The following USP8 variants were observed in gnomAD, a reference collection of about 807,000 sequenced individuals.
USP8 encodes the protein ubiquitin carboxyl-terminal hydrolase 8.
USP8 carries 27 observed loss-of-function variants against 130.0 expected under a neutral mutation model. That is an observed-to-expected ratio of 0.21 (90% CI 0.15 to 0.29). USP8 has a LOEUF of 0.29. USP8 is among the 10% of genes least tolerant of loss of function. The pLI, the probability that USP8 is intolerant of heterozygous loss-of-function variation, is 1.00. For missense variants in USP8, 1,029 were observed against 1,312.2 expected (o/e 0.78, Z 3.33); for synonymous variants, 392 against 444.1 (o/e 0.88, Z 1.48).
At chr15:50,495,762 G>GTTTGTATT in intron 16 of USP8, 86 bp from the exon 17 acceptor site, 1 of 1,073,306 alleles carries the variant, frequency 9.3e-7, no homozygotes, top group Admixed American at 2.6e-5. Context: ...TCTAAATCTG[G>GTTTGTATT]CAAGTGTTTG....
chr15:50,427,594 G>A (rs1231342145), intron 1 of USP8, among the ~76,000 whole-genome samples: 1 of 118,532 alleles, frequency 8.4e-6, no homozygotes, highest in Non-Finnish European at 1.6e-5. Context: ...ACGGAGTCTT[G>A]CTCTGTCTTC....
At chr15:50,455,826 A>G (rs567669564) in intron 4 of USP8, among the ~76,000 whole-genome samples, 21 of 152,322 alleles carry the variant, frequency 1.4e-4, no homozygotes, top group African/African-American at 4.8e-4. Flanking sequence ...GGTGTGCTTA[A>G]TTCAGGTGTC....
rs1274851138 is a variant in USP8, at chr15:50,503,532, T to C, written c.*4444T>C. On this transcript the variant is annotated 3_prime_UTR_variant, in exon 20 of 20. Transcript: ENST00000307179. ...TACAAAGCCAGGACCTTTAAAGACA[T>C]TCACCCTCAATGGAAGGATTAAAAA... The C allele has an allele frequency of 2.0e-5, 3 of 152,174 alleles. No homozygotes were observed. The highest frequency in any genetic ancestry group is 1.3e-4 in the Admixed American group (2 of 15,278). 9.4% of individuals were successfully genotyped at this position (152,174 alleles called of 1,614,324 possible). A position where few individuals can be genotyped will look rare whatever the true frequency, so the allele number is the denominator to read the frequency against.
intron 4 of USP8, 151 bp from the exon 5 acceptor site, chr15:50,458,849 C>T (rs1364271431): frequency 3.7e-6 from 3 of 803,872 alleles, no homozygotes; most frequent in Admixed American, 2.9e-5. Flanking sequence ...CAGATGGCCT[C>T]AGGTGGCAGA....
intron 1 of USP8, among the ~76,000 whole-genome samples, chr15:50,434,108 T>TGTTTC (rs943827897): frequency 6.6e-6 from 1 of 151,456 alleles, no homozygotes. Flanking sequence ...TAAGGTTTTT[T>TGTTTC]GTTTTGTTTT....
At chr15:50,440,058 T>A (rs2050205901) in intron 2 of USP8, among the ~76,000 whole-genome samples, 1 of 151,978 alleles carries the variant, frequency 6.6e-6, no homozygotes, top group African/African-American at 2.4e-5. Flanking sequence ...CCAGCCTGGG[T>A]GACAGAGTGA....
chr15:50,488,328 T>A (rs1375936904), intron 12 of USP8, among the ~76,000 whole-genome samples: 1 of 152,182 alleles, frequency 6.6e-6, no homozygotes, highest in Non-Finnish European at 1.5e-5. Context: ...TATTTAGTTG[T>A]GCCATTTGCC....
chr15:50,504,036 T>C lies in USP8; in HGVS notation c.*4948T>C, dbSNP rs1270469998. On this transcript the variant is annotated 3_prime_UTR_variant, in exon 20 of 20. Transcript: ENST00000307179. ...GAAATACAACATAGTTGGCCGTCCA[T>C]ATTTACGGGCTCTGCATCTTCAGAA... 2.0e-5 allele frequency: 3 copies of C among 152,324 alleles called. No individual in the cohort carries two copies. Among genetic ancestry groups the C allele is most frequent in the Admixed American group, 2.0e-4 (3 of 15,286 alleles). 9.4% of individuals were successfully genotyped at this position (152,324 alleles called of 1,614,324 possible). A position where few individuals can be genotyped will look rare whatever the true frequency, so the allele number is the denominator to read the frequency against.
In USP8 at chr15:50,509,949, A is replaced by G. The variant is rs1411572494; in HGVS notation, c.*10861A>G. 6.6e-6 allele frequency: 1 copy of G among 152,138 alleles called. No homozygotes were observed. The allele number at this position is 152,138 out of a possible 1,614,324, so 9.4% of individuals were successfully genotyped here. ...AAGTTGTGATGGTAATGACTTAGGG[A>G]ATAATGATGGTTCTTGCTCTGCCAG... On this transcript the variant is annotated 3_prime_UTR_variant, in exon 20 of 20. Transcript: ENST00000307179.
Position 50,506,750 on chromosome 15 carries a change from G to A in USP8, c.*7662G>A, listed in dbSNP as rs1206314440. On this transcript the variant is annotated 3_prime_UTR_variant, in exon 20 of 20. Transcript: ENST00000307179. ...CGAGGGGGGCGGATCACGAGGTCAG[G>A]AGATCAAGACTATCCTGGCCAACAC... The A allele has an allele frequency of 1.3e-5, 2 of 151,570 alleles. No homozygotes were observed. Among genetic ancestry groups the A allele is most frequent in the East Asian group, 3.9e-4 (2 of 5,154 alleles). 9.4% of individuals were successfully genotyped at this position (151,570 alleles called of 1,614,324 possible). A position where few individuals can be genotyped will look rare whatever the true frequency, so the allele number is the denominator to read the frequency against.
intron 4 of USP8, among the ~76,000 whole-genome samples, chr15:50,454,492 C>T (rs539579294): frequency 6.8e-6 from 1 of 146,278 alleles, no homozygotes; most frequent in South Asian, 2.2e-4. Flanking sequence ...CACTCTGTCT[C>T]ACCCAGGCTG....
chr15:50,497,783 C>G (rs1330628813), intron 18 of USP8: 1 of 152,108 alleles, frequency 6.6e-6, no homozygotes, highest in African/African-American at 2.4e-5. Flanking sequence ...ATCACATAAT[C>G]CATGTAACTC....
At chr15:50,489,771 T>A in intron 12 of USP8, 30 bp from the exon 13 acceptor site, 1 of 1,377,206 alleles carries the variant, frequency 7.3e-7, no homozygotes, top group East Asian at 2.8e-5. Context: ...AAAAATTTTT[T>A]TTTAATTTTT....
At chr15:50,434,680 A>G (rs1201903243) in intron 1 of USP8, among the ~76,000 whole-genome samples, 1 of 151,624 alleles carries the variant, frequency 6.6e-6, no homozygotes, top group Non-Finnish European at 1.5e-5. Context: ...GTAGTGCTGC[A>G]ATCTCCACTC....
chr15:50,493,636 T>G, intron 15 of USP8: 1 of 387,292 alleles, frequency 2.6e-6, no homozygotes, highest in South Asian at 1.9e-5. Flanking sequence ...TCCCTGCTAC[T>G]TGGGAGGCTA....
At chr15:50,475,586 C>CAT (rs892576185) in intron 8 of USP8, among the ~76,000 whole-genome samples, 22 of 148,956 alleles carry the variant, frequency 1.5e-4, no homozygotes, top group African/African-American at 4.9e-4. Flanking sequence ...TACACACACA[C>CAT]ATATATATAT....
chr15:50,450,265 T>G lies in USP8; in HGVS notation c.335+780T>G, dbSNP rs79300668. Among the ~76,000 whole-genome samples, 507 of 152,196 alleles carry G rather than the reference T, an allele frequency of 3.3e-3. 1 individual carries two copies. The highest frequency in any genetic ancestry group is 0.011 in the African/African-American group (474 of 41,540). The stretch of plus-strand genomic sequence containing the variant: ...AAAAATTCAATTCTTCATATGTTCT[T>G]TGGTGGATTCTGCTCCTGGATACTG... On this transcript the variant is annotated intron_variant, in intron 4 of 19. Transcript: ENST00000307179.
intron 16 of USP8, among the ~76,000 whole-genome samples, chr15:50,494,618 T>TATATA (rs1249810815): frequency 6.6e-6 from 1 of 152,250 alleles, no homozygotes; most frequent in Non-Finnish European, 1.5e-5. Flanking sequence ...ATGTTATGTT[T>TATATA]ATATAATATG....
intron 1 of USP8, among the ~76,000 whole-genome samples, chr15:50,426,563 T>G (rs2141240234): frequency 6.6e-6 from 1 of 152,280 alleles, no homozygotes; most frequent in Non-Finnish European, 1.5e-5. Context: ...ACATCCAAAA[T>G]GGCTAATTCA....
Sources: allele counts gnomAD v4.1 joint callset (sites outside exome capture counted in the v4.1 genomes callset), GRCh38; gene constraint gnomAD v4.1.1; transcripts MANE v1.5; gene names NCBI Gene and HGNC (gene_info 2026-07-23, HGNC 2026-07-21).